Variants in EMC8 observed in about 807,000 individuals in gnomAD.
The protein encoded by EMC8 is COX4 neighbor.
Under a neutral mutation model 24.3 loss-of-function variants are expected in EMC8, and 11 were observed. That is an observed-to-expected ratio of 0.45 (90% CI 0.28 to 0.75). The LOEUF (loss-of-function observed/expected upper bound fraction) is 0.75. EMC8 is among the 30% of genes least tolerant of loss of function. The pLI, the probability that EMC8 is intolerant of heterozygous loss-of-function variation, is 0.12. For synonymous variants in EMC8, 145 were observed against 117.7 expected, an observed-to-expected ratio of 1.23 and a Z score of -1.50; for missense variants, 277 against 282.7, an observed-to-expected ratio of 0.98 and a Z score of 0.14.
chr16:85,795,335 C>T (rs1419517601), intron 1 of EMC8, among the ~76,000 whole-genome samples: 1 of 152,186 alleles, frequency 6.6e-6, no homozygotes, highest in East Asian at 1.9e-4. Flanking sequence ...TCCTCCTCCA[C>T]TCAACCCATA....
Position 85,786,790 on chromosome 16 carries a change from T to C in EMC8, c.308+2184A>G, listed in dbSNP as rs182945801. The stretch of plus-strand genomic sequence containing the variant: ...GGAAAACTGTGTCCGAGTAGGATAA[T>C]TCCAGGCTGGGCTGTAACGAGGTCA... On this transcript the variant is annotated intron_variant, in intron 2 of 4. Transcript: ENST00000253457. 6.6e-5 allele frequency among the ~76,000 whole-genome samples: 10 copies of C among 152,290 alleles called. No individual in the cohort carries two copies. In the East Asian group the frequency reaches 1.7e-3, roughly 26 times the overall value.
At chr16:85,780,917 T>G (rs1161184211) in intron 3 of EMC8, 2 of 490,178 alleles carry the variant, frequency 4.1e-6, no homozygotes, top group Non-Finnish European at 7.4e-6. Context: ...CCCCCGCATT[T>G]CTGATTCAGT....
At chr16:85,798,696 A>T (rs1905402029) in intron 1 of EMC8, 3 of 226,038 alleles carry the variant, frequency 1.3e-5, no homozygotes, top group Non-Finnish European at 2.6e-5. Context: ...CCTAGCGATT[A>T]ATGTCCCAAC....
At chr16:85,787,048 A>T (rs774206236) in intron 2 of EMC8, among the ~76,000 whole-genome samples, 3 of 152,090 alleles carry the variant, frequency 2.0e-5, no homozygotes. Context: ...TTGGTCCAGG[A>T]ACACCTTCCT....
intron 1 of EMC8, among the ~76,000 whole-genome samples, chr16:85,797,594 C>G (rs914747626): frequency 4.6e-5 from 7 of 152,202 alleles, no homozygotes; most frequent in Admixed American, 1.3e-4. Context: ...TTAACAGGCA[C>G]TCAAAGATGT....
In EMC8 at chr16:85,780,786, A is replaced by C. The variant is rs922023589; in HGVS notation, c.379-313T>G. ...CCTTGATGTCATCTGCTCACATACA[A>C]GGACCTTCCTTCCCTGTGCCCCTAG... On this transcript the variant is annotated intron_variant, in intron 3 of 4. Transcript: ENST00000253457. 2.3e-4 allele frequency: 111 copies of C among 474,700 alleles called. 2 individuals carry two copies. In the South Asian group the frequency reaches 2.5e-3, roughly 11 times the overall value. The allele number at this position is 474,700 out of a possible 1,614,324, so 29.4% of individuals were successfully genotyped here.
At chr16:85,780,503 A>T in intron 3 of EMC8, 30 bp from the exon 4 acceptor site, 1 of 1,557,838 alleles carries the variant, frequency 6.4e-7, no homozygotes, top group Non-Finnish European at 8.8e-7. Flanking sequence ...CACGAGAGTG[A>T]ACAGAATGCC....
At chr16:85,786,716 G>C (rs1001277771) in intron 2 of EMC8, among the ~76,000 whole-genome samples, 8 of 152,192 alleles carry the variant, frequency 5.3e-5, no homozygotes, top group Non-Finnish European at 1.0e-4. Context: ...GAAGGACGTG[G>C]ACTAGGTGAG....
At chr16:85,783,315 C>CA (rs1904598597) in intron 2 of EMC8, among the ~76,000 whole-genome samples, 1 of 143,058 alleles carries the variant, frequency 7.0e-6, no homozygotes, top group Non-Finnish European at 1.5e-5. Flanking sequence ...AAAAAAGAGA[C>CA]AGAGTCTCGC....
At chr16:85,782,992 G>T (rs1057504484) in intron 2 of EMC8, among the ~76,000 whole-genome samples, 1 of 152,096 alleles carries the variant, frequency 6.6e-6, no homozygotes, top group Non-Finnish European at 1.5e-5. Flanking sequence ...TCACTCGCTC[G>T]CTCTCTTTTT....
chr16:85,784,626 G>C (rs773725722), intron 2 of EMC8: 1 of 152,094 alleles, frequency 6.6e-6, no homozygotes, highest in Non-Finnish European at 1.5e-5. Flanking sequence ...TCCTAGCGCA[G>C]AGGGAAGGCA....
intron 1 of EMC8, 126 bp downstream of exon 1, chr16:85,798,939 C>G: frequency 1.5e-6 from 1 of 653,078 alleles, no homozygotes; most frequent in Non-Finnish European, 2.6e-6. Flanking sequence ...CCATTCCTGG[C>G]CACGGCAACC....
At chr16:85,788,754 A>G in intron 2 of EMC8, 2 of 572,116 alleles carry the variant, frequency 3.5e-6, no homozygotes, top group Non-Finnish European at 6.2e-6. Flanking sequence ...TGCAAAATAA[A>G]GAAGACACAA....
chr16:85,790,199 T>TG (rs1241266732), intron 1 of EMC8, among the ~76,000 whole-genome samples: 2 of 152,116 alleles, frequency 1.3e-5, no homozygotes, highest in Non-Finnish European at 2.9e-5. Flanking sequence ...GATGTGTGTG[T>TG]TTTTTAAACA....
chr16:85,791,353 C>G (rs986963341), intron 1 of EMC8, among the ~76,000 whole-genome samples: 1 of 152,058 alleles, frequency 6.6e-6, no homozygotes, highest in African/African-American at 2.4e-5. Context: ...GCAGAATATG[C>G]AGGTTTGTTA....
In EMC8 at chr16:85,780,911, C is replaced by T. The variant is rs552411178; in HGVS notation, c.378+300G>A. 8.9e-4 allele frequency: 430 copies of T among 482,990 alleles called. 1 individual carries two copies. The highest frequency in any genetic ancestry group is 7.2e-3 in the African/African-American group (371 of 51,706). 29.9% of individuals were successfully genotyped at this position (482,990 alleles called of 1,614,324 possible). On this transcript the variant is annotated intron_variant, in intron 3 of 4. Coordinates refer to ENST00000253457, the MANE Select transcript of EMC8 (RefSeq NM_006067.5). ...AACATGGACTGCTGGGCTAAACCCC[C>T]GCATTTCTGATTCAGTGGGGTCTGG...
chr16:85,791,714 C>T (rs925201585), intron 1 of EMC8, among the ~76,000 whole-genome samples: 1 of 152,226 alleles, frequency 6.6e-6, no homozygotes, highest in African/African-American at 2.4e-5. Flanking sequence ...TTTCCAGCAC[C>T]TAGAGGCTGC....
intron 2 of EMC8, among the ~76,000 whole-genome samples, chr16:85,786,166 C>G (rs1417939663): frequency 2.6e-5 from 4 of 152,226 alleles, no homozygotes; most frequent in African/African-American, 9.6e-5. Flanking sequence ...GGCATGAGCT[C>G]AGCTCCATTT....
intron 2 of EMC8, 36 bp downstream of exon 2, chr16:85,788,938 A>C: frequency 6.6e-7 from 1 of 1,503,888 alleles, no homozygotes; most frequent in East Asian, 2.3e-5. Context: ...ACACGTGCTC[A>C]CTTCCTCGCC....
Sources: gnomAD v4.1 joint callset for allele counts (sites outside exome capture counted in the v4.1 genomes callset) on GRCh38, gnomAD v4.1.1 for gene constraint, MANE v1.5 for transcripts, NCBI Gene and HGNC (gene_info 2026-07-23, HGNC 2026-07-21) for gene names.